Variants in TCP11L1 observed in about 807,000 individuals in gnomAD.
TCP11L1 encodes the protein T-complex protein 11-like protein 1.
In TCP11L1, 28 loss-of-function variants were observed where a neutral mutation model predicts 48.9. The observed-to-expected ratio is 0.57, with a 90% CI of 0.42 to 0.78. The LOEUF (loss-of-function observed/expected upper bound fraction) is 0.78, where lower values mean the gene tolerates loss of function less well. Ranked by LOEUF, TCP11L1 falls within the 30% of genes least tolerant of loss-of-function variation. The pLI, the probability that TCP11L1 is intolerant of heterozygous loss-of-function variation, is 0.00. For synonymous variants in TCP11L1, 204 were observed against 231.9 expected (o/e 0.88, Z 1.09); for missense variants, 505 against 613.4 (o/e 0.82, Z 1.87).
rs777732537 is a variant in TCP11L1, at chr11:33,057,076, TG to T, written c.297-37del. 1.9e-5 allele frequency: 31 copies of T among 1,612,088 alleles called. No individual in the cohort carries two copies. The African/African-American group carries it at 4.0e-4, about 21-fold the overall frequency. ...AAAGTGATTTGAAACTCAAATATTT[TG>T]GTTTTTGCCCCCCTCCTTTTTTTTT... On this transcript the variant is annotated intron_variant, in intron 3 of 9. Coordinates refer to ENST00000334274, the MANE Select transcript of TCP11L1 (RefSeq NM_018393.4).
chr11:33,072,946 C>T lies in TCP11L1; in HGVS notation c.*270C>T, dbSNP rs1216401569. 2.3e-6 allele frequency: 1 copy of T among 430,064 alleles called. No homozygotes were observed. Among genetic ancestry groups the T allele is most frequent in the Non-Finnish European group, 4.3e-6 (1 of 233,074 alleles). 26.6% of individuals were successfully genotyped at this position (430,064 alleles called of 1,614,324 possible). On this transcript the variant is annotated 3_prime_UTR_variant, in exon 10 of 10. Coordinates refer to ENST00000334274, the MANE Select transcript of TCP11L1 (RefSeq NM_018393.4). ...ACAGGTAACACTCAGCTGTTGTCTC[C>T]ACTCCTCCCCCATCATGTCCTTCCA...
At chr11:33,048,183 C>CTTT (rs1215525004) in intron 2 of TCP11L1, among the ~76,000 whole-genome samples, 1 of 118,364 alleles carries the variant, frequency 8.4e-6, no homozygotes, top group African/African-American at 3.4e-5. Flanking sequence ...TGTATCTTTA[C>CTTT]ATTTTTTTTT....
chr11:33,060,448 C>T (rs1257757449), intron 6 of TCP11L1, among the ~76,000 whole-genome samples: 1 of 152,112 alleles, frequency 6.6e-6, no homozygotes, highest in Non-Finnish European at 1.5e-5. Context: ...GCTGCATCCC[C>T]CTGCCCCAGT....
chr11:33,048,425 C>T (rs1274464733), intron 2 of TCP11L1, among the ~76,000 whole-genome samples: 1 of 152,174 alleles, frequency 6.6e-6, no homozygotes, highest in Admixed American at 6.5e-5. Context: ...GCAATCCTTA[C>T]CAAGTTTTCA....
At chr11:33,061,769 G>A (rs1854474940) in intron 7 of TCP11L1, 43 bp downstream of exon 7, 1 of 1,519,886 alleles carries the variant, frequency 6.6e-7, no homozygotes, top group Non-Finnish European at 8.9e-7. Flanking sequence ...TTGTTTTTGT[G>A]CTGCTGAACT....
At chr11:33,049,604 ATAAGTT>A (rs1323968395) in intron 2 of TCP11L1, among the ~76,000 whole-genome samples, 1 of 152,182 alleles carries the variant, frequency 6.6e-6, no homozygotes, top group African/African-American at 2.4e-5. Flanking sequence ...TGTGTCATAA[ATAAGTT>A]TAAGGAAAGG....
At position 33,045,352 on chromosome 11, in the gene TCP11L1, C is replaced by CAAA. The variant is rs59665470; in HGVS notation, c.163+1432_163+1434dup. On this transcript the variant is annotated intron_variant, in intron 2 of 9. Coordinates refer to ENST00000334274, the MANE Select transcript of TCP11L1 (RefSeq NM_018393.4). ...TGGGTGACAAAGTAAGACCCTGTCT[C>CAAA]AAAAAAAAAAAAAAAAAATTAGCTG... Among the ~76,000 whole-genome samples the CAAA allele has an allele frequency of 2.8e-4, 33 of 115,866 alleles. 1 individual carries two copies. Among genetic ancestry groups the CAAA allele is most frequent in the Middle Eastern group, 9.3e-3 (2 of 216 alleles). The allele number at this position is 115,866 out of a possible 152,430, so 76.0% of individuals were successfully genotyped here. A position where few individuals can be genotyped will look rare whatever the true frequency, so the allele number is the denominator to read the frequency against.
chr11:33,065,494 C>G (rs1230971730), intron 7 of TCP11L1, among the ~76,000 whole-genome samples: 1 of 152,172 alleles, frequency 6.6e-6, no homozygotes, highest in African/African-American at 2.4e-5. Context: ...AACTCCTGAC[C>G]TCAGGTGATC....
intron 1 of TCP11L1, among the ~76,000 whole-genome samples, chr11:33,041,929 C>T (rs921029004): frequency 2.0e-5 from 3 of 152,288 alleles, no homozygotes; most frequent in Admixed American, 1.3e-4. Flanking sequence ...TTTTGATCAC[C>T]TGATTACCTT....
intron 2 of TCP11L1, among the ~76,000 whole-genome samples, chr11:33,051,416 C>T (rs1309819526): frequency 1.3e-5 from 2 of 152,188 alleles, no homozygotes; most frequent in Non-Finnish European, 2.9e-5. Flanking sequence ...GTCCGCTCGC[C>T]TCAGCCTCCC....
At chr11:33,056,443 A>G (rs942765289) in intron 3 of TCP11L1, 2 of 153,324 alleles carry the variant, frequency 1.3e-5, no homozygotes, top group South Asian at 2.0e-4. Flanking sequence ...TATGTTGTAT[A>G]TATAAGTTGT....
chr11:33,052,013 AT>A (rs1854175041), intron 2 of TCP11L1, among the ~76,000 whole-genome samples: 1 of 152,128 alleles, frequency 6.6e-6, no homozygotes, highest in African/African-American at 2.4e-5. Flanking sequence ...TTGGGATTTC[AT>A]TTAACCAATA....
intron 1 of TCP11L1, among the ~76,000 whole-genome samples, chr11:33,042,395 G>A (rs373629800): frequency 6.6e-6 from 1 of 152,156 alleles, no homozygotes; most frequent in Non-Finnish European, 1.5e-5. Flanking sequence ...CCTGTTTTAG[G>A]CTGGGCACGG....
chr11:33,043,710 A>T, intron 1 of TCP11L1, 40 bp from the exon 2 acceptor site: 2 of 1,530,330 alleles, frequency 1.3e-6, no homozygotes, highest in South Asian at 2.6e-5. Flanking sequence ...ACAGAGCTAG[A>T]ATACTTTTAG....
intron 5 of TCP11L1, 62 bp downstream of exon 5, chr11:33,058,201 C>CTTTTTT: frequency 2.5e-6 from 3 of 1,223,698 alleles, no homozygotes; most frequent in Non-Finnish European, 3.3e-6. Context: ...TCTTTTTTTT[C>CTTTTTT]TTTTCTTTTT....
In TCP11L1 at chr11:33,072,515, G is replaced by A. The variant is rs762241445; in HGVS notation, c.1369G>A (p.Gly457Ser). ...CTTCTTAGAAACCTACCTTGCCTCG[G>A]GTCATCAGAAGCCATTGCCCACAGT... ...LTFLETYLAS[G>S]HQKPLPTVPG... is the part of the protein sequence containing the mutation. Residue 457 changes from glycine to serine, a missense_variant, in exon 10 of 10, where the codon GGT becomes AGT. Transcript: ENST00000334274. 1.7e-5 allele frequency: 27 copies of A among 1,614,054 alleles called. No individual in the cohort carries two copies. In the South Asian group the frequency reaches 2.7e-4, roughly 16 times the overall value.
Position 33,050,605 on chromosome 11 carries a change from A to G in TCP11L1, c.164-3988A>G, listed in dbSNP as rs1425146705. ...GAGGCCACAGTGAACTGTGATCACC[A>G]CTCTCCAGTTTGGGCAACAGAATAA... On this transcript the variant is annotated intron_variant, in intron 2 of 9. Transcript: ENST00000334274. Among the ~76,000 whole-genome samples the G allele has an allele frequency of 6.6e-5, 10 of 152,020 alleles. No individual in the cohort carries two copies. The East Asian group carries it at 1.9e-3, about 29-fold the overall frequency.
intron 1 of TCP11L1, among the ~76,000 whole-genome samples, chr11:33,043,174 G>A (rs1175051919): frequency 6.6e-6 from 1 of 152,140 alleles, no homozygotes; most frequent in Admixed American, 6.6e-5. Context: ...GGCGGAGGAT[G>A]CAGTTAGCTG....
At chr11:33,048,939 A>G (rs1368051508) in intron 2 of TCP11L1, among the ~76,000 whole-genome samples, 1 of 152,182 alleles carries the variant, frequency 6.6e-6, no homozygotes, top group Non-Finnish European at 1.5e-5. Context: ...TATTACCCAG[A>G]TGACTAAAAT....
Sources: allele counts gnomAD v4.1 joint callset (sites outside exome capture counted in the v4.1 genomes callset), GRCh38; gene constraint gnomAD v4.1.1; transcripts MANE v1.5; gene names NCBI Gene and HGNC (gene_info 2026-07-23, HGNC 2026-07-21).